The following CUX2 variants were observed in gnomAD, a reference collection of about 807,000 sequenced individuals.
The protein encoded by CUX2 is homeobox protein cut-like 2.
A neutral mutation model predicts 144.8 loss-of-function variants in CUX2; 40 were observed. The observed-to-expected ratio is 0.28, with a 90% CI of 0.21 to 0.36. CUX2 has a LOEUF of 0.36. Among genes scored for constraint, CUX2 ranks in the 10% least tolerant of loss-of-function variants. CUX2 has a pLI of 1.00. For missense variants in CUX2, 1,615 were observed against 1,994.0 expected, an observed-to-expected ratio of 0.81 and a Z score of 3.62; for synonymous variants, 827 against 875.6, an observed-to-expected ratio of 0.94 and a Z score of 0.98.
rs1883755745 is a variant in CUX2, at chr12:111,255,210, G to C, written c.223-8551G>C. ...GATGGGGCCTCTCTGGGACCCCTGG[G>C]TGACCCTCCAGAGGGCCAGAGAGGG... On this transcript the variant is annotated intron_variant, in intron 3 of 21. Transcript: ENST00000261726. The surrounding 1 kb of genome is among the most constrained non-coding windows in gnomAD (Gnocchi z 4.1). 6.6e-6 allele frequency among the ~76,000 whole-genome samples: 1 copy of C among 152,182 alleles called. No homozygotes were observed. The highest frequency in any genetic ancestry group is 6.5e-5 in the Admixed American group (1 of 15,270).
intron 3 of CUX2, among the ~76,000 whole-genome samples, chr12:111,259,551 T>C (rs552939139): frequency 2.6e-5 from 4 of 152,316 alleles, no homozygotes; most frequent in Admixed American, 2.0e-4. Context: ...TTAAAATTTC[T>C]AGTAGTTACA....
At chr12:111,128,938 T>C (rs1875265989) in intron 1 of CUX2, among the ~76,000 whole-genome samples, 1 of 152,212 alleles carries the variant, frequency 6.6e-6, no homozygotes, top group Admixed American at 6.5e-5. Flanking sequence ...CACTCCAAAC[T>C]GGCAGCTTTT....
In CUX2 at chr12:111,307,307, A is replaced by G. The variant is rs1224527903; in HGVS notation, c.1109+50A>G. The stretch of plus-strand genomic sequence containing the variant: ...AGACCCTCAGTGCTCTTCCCTGGCC[A>G]GGAGCTCTTGGCAAAGTTCATCATC... On this transcript the variant is annotated intron_variant, in intron 12 of 21. Transcript: ENST00000261726. This position sits in a 1 kb window ranked among gnomAD's most constrained non-coding sequence, Gnocchi z 4.1. 6.4e-7 allele frequency: 1 copy of G among 1,564,994 alleles called. No individual in the cohort carries two copies. Among genetic ancestry groups the G allele is most frequent in the Non-Finnish European group, 8.8e-7 (1 of 1,141,528 alleles).
chr12:111,071,503 G>A (rs1291031442), intron 1 of CUX2, among the ~76,000 whole-genome samples: 1 of 152,118 alleles, frequency 6.6e-6, no homozygotes, highest in African/African-American at 2.4e-5. Context: ...GGAGTTCTTT[G>A]TATAAAAGTC....
At chr12:111,204,223 T>C (rs1345136619) in intron 1 of CUX2, among the ~76,000 whole-genome samples, 1 of 152,224 alleles carries the variant, frequency 6.6e-6, no homozygotes, top group Non-Finnish European at 1.5e-5. Context: ...GCCTGCCAAA[T>C]GCTGGCTCTT....
rs188044684 is a variant in CUX2, at chr12:111,326,820, C to G, written c.2926+4240C>G. On this transcript the variant is annotated intron_variant, in intron 18 of 21. Coordinates refer to ENST00000261726, the MANE Select transcript of CUX2 (RefSeq NM_015267.4). ...TCGGGAGGCTAAGGCGAGAGGATCG[C>G]TTGAACCCAGGAAGCAGAGGTTGCA... 1.1e-3 allele frequency among the ~76,000 whole-genome samples: 166 copies of G among 152,224 alleles called. 1 individual carries two copies. The highest frequency in any genetic ancestry group is 3.9e-3 in the African/African-American group (163 of 41,522).
intron 5 of CUX2, 80 bp downstream of exon 5, chr12:111,291,632 T>C: frequency 7.0e-7 from 1 of 1,432,812 alleles, no homozygotes; most frequent in East Asian, 2.7e-5. Context: ...GCCAGCCTTG[T>C]TGCGGGGTGG....
intron 1 of CUX2, among the ~76,000 whole-genome samples, chr12:111,072,211 G>A (rs889132907): frequency 6.6e-6 from 1 of 152,190 alleles, no homozygotes; most frequent in African/African-American, 2.4e-5. Context: ...GGGAAGAACT[G>A]ACAACTTGAC....
intron 4 of CUX2, among the ~76,000 whole-genome samples, chr12:111,273,445 C>T (rs1000103916): frequency 1.2e-4 from 18 of 152,140 alleles, no homozygotes; most frequent in African/African-American, 3.9e-4. Context: ...AGACCCGCCC[C>T]GACCCAGCTC....
chr12:111,091,998 G>A lies in CUX2; in HGVS notation c.63+57758G>A, dbSNP rs75092023. 3.5e-4 allele frequency among the ~76,000 whole-genome samples: 54 copies of A among 152,324 alleles called. No homozygotes were observed. In the East Asian group the frequency reaches 0.01, roughly 28 times the overall value. On this transcript the variant is annotated intron_variant, in intron 1 of 21. Coordinates refer to ENST00000261726, the MANE Select transcript of CUX2 (RefSeq NM_015267.4). ...GCCTCCCAAAGTGCTGGGACTGCAGGCATGAGCCACTGCACCCAGCCAAGC... is the reference window on the plus strand; with the variant it reads ...GCCTCCCAAAGTGCTGGGACTGCAGACATGAGCCACTGCACCCAGCCAAGC...
rs1461634139 is a variant in CUX2 at position 111,182,585 on chromosome 12, C to A, written c.64-31615C>A. 2.6e-5 allele frequency among the ~76,000 whole-genome samples: 4 copies of A among 152,336 alleles called. No homozygotes were observed. In the East Asian group the frequency reaches 7.7e-4, roughly 29 times the overall value. ...GGAGAAGGCGGCTCAGGTGACAATG[C>A]TGAGGCCTCCCAGTTCCCAGAAGCT... On this transcript the variant is annotated intron_variant, in intron 1 of 21. Transcript: ENST00000261726.
intron 3 of CUX2, among the ~76,000 whole-genome samples, chr12:111,247,236 C>T (rs1038199720): frequency 3.3e-5 from 5 of 152,166 alleles, no homozygotes; most frequent in African/African-American, 1.2e-4. Context: ...AGGACCCCGG[C>T]TAGACTGGGC....
At chr12:111,196,366 G>T (rs1280201044) in intron 1 of CUX2, among the ~76,000 whole-genome samples, 1 of 152,230 alleles carries the variant, frequency 6.6e-6, no homozygotes, top group Non-Finnish European at 1.5e-5. Context: ...GGGTAGAGGA[G>T]TGGAATTGCT....
Position 111,150,905 on chromosome 12 carries a change from AC to A in CUX2, c.64-63288del, listed in dbSNP as rs563361760. 1.9e-3 allele frequency among the ~76,000 whole-genome samples: 282 copies of A among 150,110 alleles called. 5 individuals carry two copies. Among genetic ancestry groups the A allele is most frequent in the Admixed American group, 0.012 (187 of 14,984 alleles). Reference sequence around the variant, plus strand: ...CAGCAATGGTGGGAGGGGGAAGGAAACCCCCCCAGCCTCCTGATTCCCAACA... The same window carrying A: ...CAGCAATGGTGGGAGGGGGAAGGAAACCCCCCAGCCTCCTGATTCCCAACA... On this transcript the variant is annotated intron_variant, in intron 1 of 21. Coordinates refer to ENST00000261726, the MANE Select transcript of CUX2 (RefSeq NM_015267.4).
chr12:111,205,178 C>T (rs938785529), intron 1 of CUX2, among the ~76,000 whole-genome samples: 2 of 152,102 alleles, frequency 1.3e-5, no homozygotes, highest in Admixed American at 6.5e-5. Flanking sequence ...TATGGCAGGC[C>T]GGCGGGTGCC....
intron 21 of CUX2, among the ~76,000 whole-genome samples, chr12:111,346,133 G>GA (rs1329351867): frequency 1.1e-4 from 14 of 132,606 alleles, no homozygotes; most frequent in African/African-American, 1.7e-4. Flanking sequence ...ACACGAAAAA[G>GA]AAAAAAAAGG....
At chr12:111,149,550 ATGTT>A (rs1446352083) in intron 1 of CUX2, among the ~76,000 whole-genome samples, 1 of 152,056 alleles carries the variant, frequency 6.6e-6, no homozygotes, top group Non-Finnish European at 1.5e-5. Flanking sequence ...ATGTCTCCAG[ATGTT>A]ACCAAATGTC....
At chr12:111,267,935 C>A (rs925566371) in intron 4 of CUX2, among the ~76,000 whole-genome samples, 1 of 152,138 alleles carries the variant, frequency 6.6e-6, no homozygotes, top group Non-Finnish European at 1.5e-5. Flanking sequence ...AATCTTCCTG[C>A]CTCAGCCTCC....
intron 1 of CUX2, among the ~76,000 whole-genome samples, chr12:111,153,940 AC>A (rs1375233481): frequency 7.2e-5 from 11 of 152,064 alleles, no homozygotes; most frequent in African/African-American, 2.4e-4. Context: ...CTTGTAGATG[AC>A]CACCTTCACG....
Sources: allele counts gnomAD v4.1 joint callset (sites outside exome capture counted in the v4.1 genomes callset), GRCh38; gene constraint gnomAD v4.1.1; non-coding constraint Gnocchi (gnomAD v3.1); transcripts MANE v1.5; gene names NCBI Gene and HGNC (gene_info 2026-07-23, HGNC 2026-07-21).